The following SPAG16 variants were observed in gnomAD, a reference collection of about 807,000 sequenced individuals.
SPAG16 encodes the protein sperm associated antigen 16.
Under a neutral mutation model 80.4 loss-of-function variants are expected in SPAG16, and 86 were observed. That is an observed-to-expected ratio of 1.07 (90% CI 0.90 to 1.28). The LOEUF is 1.28. Ranked by LOEUF, SPAG16 falls within the 50% of genes most tolerant of loss-of-function variation. The pLI is 0.00. For synonymous variants in SPAG16, 294 were observed against 265.9 expected, an observed-to-expected ratio of 1.11 and a Z score of -1.03; for missense variants, 870 against 765.3, an observed-to-expected ratio of 1.14 and a Z score of -1.61.
At chr2:213,388,827 TAAAG>T (rs1252561924) in intron 9 of SPAG16, among the ~76,000 whole-genome samples, 4 of 152,148 alleles carry the variant, frequency 2.6e-5, no homozygotes, top group Admixed American at 6.5e-5. Flanking sequence ...TGAGGGAAAT[TAAAG>T]AAGACATAAA....
intron 11 of SPAG16, among the ~76,000 whole-genome samples, chr2:213,926,151 C>T (rs984302610): frequency 1.3e-5 from 2 of 152,066 alleles, no homozygotes; most frequent in African/African-American, 2.4e-5. Flanking sequence ...TTTATTGTAT[C>T]CTTTATAATT....
chr2:213,870,924 CATT>C (rs1254619039), intron 11 of SPAG16, among the ~76,000 whole-genome samples: 1 of 152,086 alleles, frequency 6.6e-6, no homozygotes, highest in Non-Finnish European at 1.5e-5. Flanking sequence ...TAAACTGAAA[CATT>C]ATAGAGAATG....
intron 10 of SPAG16, among the ~76,000 whole-genome samples, chr2:213,507,633 C>CT (rs775482911): frequency 9.9e-5 from 15 of 152,278 alleles, no homozygotes; most frequent in Middle Eastern, 3.4e-3. Flanking sequence ...ATGAATATAT[C>CT]TTTAAGACAT....
intron 13 of SPAG16, among the ~76,000 whole-genome samples, chr2:214,026,651 C>G (rs1465341003): frequency 6.6e-6 from 1 of 151,346 alleles, no homozygotes; most frequent in Admixed American, 6.6e-5. Flanking sequence ...ACCTTTATAT[C>G]TCCTTAGATA....
chr2:213,894,307 T>C (rs2076905827), intron 11 of SPAG16, among the ~76,000 whole-genome samples: 1 of 152,174 alleles, frequency 6.6e-6, no homozygotes, highest in African/African-American at 2.4e-5. Flanking sequence ...TCAATAAATA[T>C]GTACATCATA....
Position 213,643,400 on chromosome 2 carries a change from ATATATATATATT to A in SPAG16, c.1070+153312_1070+153323del, listed in dbSNP as rs1559337990. Among the ~76,000 whole-genome samples, 55 of 44,464 alleles carry A rather than the reference ATATATATATATT, an allele frequency of 1.2e-3. 2 individuals are homozygous for A. Among genetic ancestry groups the A allele is most frequent in the Non-Finnish European group, 1.7e-3 (41 of 24,452 alleles). 29.2% of individuals were successfully genotyped at this position (44,464 alleles called of 152,430 possible). A position where few individuals can be genotyped will look rare whatever the true frequency, so the allele number is the denominator to read the frequency against. ...TATATATATATATATATATATATAT[ATATATATATATT>A]TTATCTCTTGCTGCTGTTATGATCC... On this transcript the variant is annotated intron_variant, in intron 10 of 15. Transcript: ENST00000331683.
chr2:213,785,157 G>A (rs144789283), intron 10 of SPAG16, among the ~76,000 whole-genome samples: 298 of 152,194 alleles, frequency 2.0e-3, no homozygotes, highest in Middle Eastern at 6.8e-3. Flanking sequence ...GGTAACCATC[G>A]TTAGCATTTT....
At chr2:214,298,398 T>C (rs762323105) in intron 15 of SPAG16, among the ~76,000 whole-genome samples, 1 of 152,204 alleles carries the variant, frequency 6.6e-6, no homozygotes, top group Admixed American at 6.5e-5. Flanking sequence ...ATAAGGAGGA[T>C]GATGATGAAA....
At chr2:213,524,901 G>A (rs2075829205) in intron 10 of SPAG16, among the ~76,000 whole-genome samples, 1 of 152,150 alleles carries the variant, frequency 6.6e-6, no homozygotes, top group African/African-American at 2.4e-5. Flanking sequence ...GACTGTTGGA[G>A]GGGCATGATT....
At chr2:213,819,279 A>G (rs1360070624) in intron 10 of SPAG16, among the ~76,000 whole-genome samples, 1 of 152,166 alleles carries the variant, frequency 6.6e-6, no homozygotes, top group Non-Finnish European at 1.5e-5. Flanking sequence ...TATTCAAGCT[A>G]TTTTATTTCC....
chr2:213,905,229 A>G (rs1423664488), intron 11 of SPAG16, among the ~76,000 whole-genome samples: 1 of 152,182 alleles, frequency 6.6e-6, no homozygotes, highest in Non-Finnish European at 1.5e-5. Flanking sequence ...AAATTCATTT[A>G]TGTCATGCAT....
chr2:214,084,153 C>A (rs868493904), intron 13 of SPAG16, among the ~76,000 whole-genome samples: 2 of 152,114 alleles, frequency 1.3e-5, no homozygotes, highest in African/African-American at 4.8e-5. Context: ...CATTCTTTTT[C>A]CCTCAGTACC....
At chr2:213,394,577 G>A (rs1241369774) in intron 9 of SPAG16, among the ~76,000 whole-genome samples, 2 of 152,164 alleles carry the variant, frequency 1.3e-5, no homozygotes. Context: ...CCCTTTTATA[G>A]CCACACTGAT....
chr2:214,152,958 C>T lies in SPAG16; in HGVS notation c.1720+3692C>T, dbSNP rs561171591. 5.6e-4 allele frequency among the ~76,000 whole-genome samples: 85 copies of T among 152,156 alleles called. 1 individual carries two copies. Among genetic ancestry groups the T allele is most frequent in the African/African-American group, 2.0e-3 (82 of 41,532 alleles). ...AGGTATACAGGATGGAACATGAAGG[C>T]GGACTAGGAGCTTGACCACTGAAGC... On this transcript the variant is annotated intron_variant, in intron 15 of 15. Coordinates refer to ENST00000331683, the MANE Select transcript of SPAG16 (RefSeq NM_024532.5).
chr2:213,323,070 C>A (rs1005946767), intron 5 of SPAG16, among the ~76,000 whole-genome samples: 1 of 152,106 alleles, frequency 6.6e-6, no homozygotes, highest in African/African-American at 2.4e-5. Context: ...CTCAATGTTA[C>A]TAATTGTCAA....
At position 213,504,042 on chromosome 2, in the gene SPAG16, G is replaced by A. The variant is rs567495702; in HGVS notation, c.1070+13952G>A. On this transcript the variant is annotated intron_variant, in intron 10 of 15. Coordinates refer to ENST00000331683, the MANE Select transcript of SPAG16 (RefSeq NM_024532.5). ...TGCAGGGTCTGCGTGTCTTGTTCTC[G>A]TGGCTATCTTGTGAGTTATTGCTGG... is the stretch of plus-strand genomic sequence containing the variant. Among the ~76,000 whole-genome samples, 10 of 152,266 alleles carry A rather than the reference G, an allele frequency of 6.6e-5. No individual in the cohort carries two copies. The East Asian group carries it at 9.6e-4, about 15-fold the overall frequency.
At chr2:213,513,725 G>A (rs1004995413) in intron 10 of SPAG16, among the ~76,000 whole-genome samples, 3 of 152,160 alleles carry the variant, frequency 2.0e-5, no homozygotes, top group Non-Finnish European at 2.9e-5. Context: ...CTGTCACATC[G>A]TCTTTCTGCT....
At chr2:214,231,822 T>G (rs1274854258) in intron 15 of SPAG16, among the ~76,000 whole-genome samples, 1 of 152,114 alleles carries the variant, frequency 6.6e-6, no homozygotes. Context: ...GTATTTTAAC[T>G]GCTAAATTAA....
chr2:213,946,800 G>T (rs1210294901), intron 12 of SPAG16, among the ~76,000 whole-genome samples: 2 of 152,094 alleles, frequency 1.3e-5, no homozygotes, highest in African/African-American at 4.8e-5. Flanking sequence ...TCAGGATACA[G>T]ATTTGTCCAC....
Sources: allele counts gnomAD v4.1 joint callset (sites outside exome capture counted in the v4.1 genomes callset), GRCh38; gene constraint gnomAD v4.1.1; transcripts MANE v1.5; gene names NCBI Gene and HGNC (gene_info 2026-07-23, HGNC 2026-07-21).